The following DAAM1 variants were observed in gnomAD, a reference collection of about 807,000 sequenced individuals.
DAAM1 encodes the protein disheveled-associated activator of morphogenesis 1.
DAAM1 carries 52 observed loss-of-function variants against 130.0 expected under a neutral mutation model. The ratio of observed to expected loss-of-function variants is 0.40; its 90% confidence interval spans 0.32 to 0.50. DAAM1 has a LOEUF of 0.50. Among genes scored for constraint, DAAM1 ranks in the 20% least tolerant of loss-of-function variants. The pLI, the probability that DAAM1 is intolerant of heterozygous loss-of-function variation, is 0.61. For missense variants in DAAM1, 1,134 were observed against 1,303.8 expected (o/e 0.87, Z 2.01); for synonymous variants, 452 against 444.5 (o/e 1.02, Z -0.21).
intron 1 of DAAM1, among the ~76,000 whole-genome samples, chr14:59,206,436 C>T (rs868481494): frequency 5.3e-5 from 8 of 152,152 alleles, no homozygotes; most frequent in South Asian, 2.1e-4. Context: ...CCACCATGCC[C>T]GGCTAATTTT....
intron 3 of DAAM1, among the ~76,000 whole-genome samples, chr14:59,314,640 A>G (rs1430918192): frequency 6.6e-6 from 1 of 152,166 alleles, no homozygotes; most frequent in Non-Finnish European, 1.5e-5. Flanking sequence ...TTTGGGTTTC[A>G]GTTCTTTTCC....
intron 2 of DAAM1, among the ~76,000 whole-genome samples, chr14:59,267,898 C>G (rs1389805173): frequency 1.0e-5 from 1 of 100,480 alleles, no homozygotes; most frequent in Non-Finnish European, 1.9e-5. Context: ...ATATACGCCC[C>G]CCCCTTTTTT....
At chr14:59,248,051 T>C (rs923610928) in intron 1 of DAAM1, among the ~76,000 whole-genome samples, 1 of 152,232 alleles carries the variant, frequency 6.6e-6, no homozygotes, top group African/African-American at 2.4e-5. Flanking sequence ...GAAGTCTAAA[T>C]ATTAACTTCT....
chr14:59,358,270 A>G, intron 20 of DAAM1, among the ~76,000 whole-genome samples: 1 of 152,198 alleles, frequency 6.6e-6, no homozygotes, highest in East Asian at 1.9e-4. Flanking sequence ...TCAGACCAAC[A>G]CAGTGTTGCC....
At chr14:59,348,207 G>T (rs892473906) in intron 17 of DAAM1, among the ~76,000 whole-genome samples, 2 of 152,152 alleles carry the variant, frequency 1.3e-5, no homozygotes, top group Non-Finnish European at 2.9e-5. Context: ...AATGCCAGGG[G>T]TAGCAAGAAT....
intron 1 of DAAM1, among the ~76,000 whole-genome samples, chr14:59,201,160 CAAAAA>C (rs71111617): frequency 2.4e-3 from 165 of 68,850 alleles, no homozygotes; most frequent in Non-Finnish European, 3.3e-3. Flanking sequence ...GACTCCGTCT[CAAAAA>C]AAAAAAAAAA....
intron 17 of DAAM1, among the ~76,000 whole-genome samples, chr14:59,351,468 C>T (rs936500913): frequency 2.2e-4 from 34 of 152,138 alleles, no homozygotes; most frequent in African/African-American, 6.8e-4. Context: ...CCCTGCCCTG[C>T]CCTCTCCCAC....
chr14:59,239,498 A>T (rs1889411204), intron 1 of DAAM1, among the ~76,000 whole-genome samples: 1 of 152,160 alleles, frequency 6.6e-6, no homozygotes, highest in Non-Finnish European at 1.5e-5. Context: ...CAGGTTCTCC[A>T]TCGGTTTCTT....
At chr14:59,285,675 G>A (rs1883417099) in intron 2 of DAAM1, among the ~76,000 whole-genome samples, 2 of 152,100 alleles carry the variant, frequency 1.3e-5, no homozygotes, top group African/African-American at 4.8e-5. Flanking sequence ...AAAGGACAAA[G>A]AAAGGCATTG....
At chr14:59,292,289 A>G (rs1472764236) in intron 3 of DAAM1, among the ~76,000 whole-genome samples, 1 of 152,142 alleles carries the variant, frequency 6.6e-6, no homozygotes, top group Non-Finnish European at 1.5e-5. Flanking sequence ...CAATAATCCA[A>G]TATTTTTTCA....
chr14:59,247,108 C>T (rs1403165227), intron 1 of DAAM1, among the ~76,000 whole-genome samples: 5 of 152,050 alleles, frequency 3.3e-5, no homozygotes, highest in Non-Finnish European at 7.4e-5. Flanking sequence ...CTTTTGCATG[C>T]AGATATTCAG....
chr14:59,264,675 G>T (rs1205446494), intron 2 of DAAM1: 1 of 150,908 alleles, frequency 6.6e-6, no homozygotes, highest in East Asian at 2.0e-4. Flanking sequence ...TTTAAGTTCT[G>T]GGGTACATAT....
intron 1 of DAAM1, among the ~76,000 whole-genome samples, chr14:59,225,825 C>T (rs1040603507): frequency 7.2e-5 from 11 of 151,966 alleles, no homozygotes; most frequent in Admixed American, 1.3e-4. Flanking sequence ...TTGCGAAGAT[C>T]GAAGGAGAAA....
chr14:59,369,041 G>GTTC lies in DAAM1; in HGVS notation c.*182_*183insTTC. The GTTC allele has an allele frequency of 6.8e-6, 4 of 587,356 alleles. No homozygotes were observed. The South Asian group carries it at 8.9e-5, about 13-fold the overall frequency. The allele number at this position is 587,356 out of a possible 1,614,324, so 36.4% of individuals were successfully genotyped here. ...TATTAAAAAATGTATATAGATGTCT[G>GTTC]AGTGTTGTCTGGAGACCTATACGTA... On this transcript the variant is annotated 3_prime_UTR_variant, in exon 25 of 25. Transcript: ENST00000360909.
At chr14:59,316,507 A>G (rs1030236574) in intron 4 of DAAM1, among the ~76,000 whole-genome samples, 11 of 152,218 alleles carry the variant, frequency 7.2e-5, no homozygotes, top group East Asian at 1.9e-4. Context: ...AAGAAACTAC[A>G]TAAGTTTTTC....
chr14:59,336,269 T>A (rs1360014415), intron 15 of DAAM1, among the ~76,000 whole-genome samples: 1 of 152,206 alleles, frequency 6.6e-6, no homozygotes, highest in Non-Finnish European at 1.5e-5. Flanking sequence ...TCAGCACTGC[T>A]TCCTGAAAAT....
In DAAM1 at chr14:59,355,274, A is replaced by C; in HGVS notation, c.2466A>C (p.Ala822=). 1 of 1,614,146 alleles carries C rather than the reference A, an allele frequency of 6.2e-7. No homozygotes were observed. Among genetic ancestry groups the C allele is most frequent in the Non-Finnish European group, 8.5e-7 (1 of 1,180,022 alleles). The part of the protein sequence containing the change: ...NYMNKGQRGN[A]YGFKISSLNK... ...TGAATAAAGGTCAAAGAGGGAATGC[A>C]TATGGATTCAAGATATCTAGCCTAA... The change falls in exon 20 of 25, where the codon GCA becomes GCC. Residue 822 remains alanine, a synonymous_variant. Transcript: ENST00000360909.
intron 15 of DAAM1, 53 bp downstream of exon 15, chr14:59,331,973 G>GA: frequency 2.7e-6 from 4 of 1,459,830 alleles, no homozygotes; most frequent in South Asian, 1.2e-5. Flanking sequence ...CATGTCTTAT[G>GA]CATGATCTCT....
chr14:59,331,278 G>C lies in DAAM1; in HGVS notation c.1630G>C (p.Val544Leu). The C allele has an allele frequency of 1.2e-6, 2 of 1,612,738 alleles. No individual in the cohort carries two copies. The highest frequency in any genetic ancestry group is 1.7e-6 in the Non-Finnish European group (2 of 1,179,972). ...ACCAGGAGGGCCCTTTCCTTCCTCTGTGCCTGGATCTCTCCTTCCTCCCCC... is the reference window on the plus strand; with the variant it reads ...ACCAGGAGGGCCCTTTCCTTCCTCTCTGCCTGGATCTCTCCTTCCTCCCCC... ...GAPGGPFPSS[V>L]PGSLLPPPPP... Residue 544 changes from valine (V) to leucine (L), a missense_variant, in exon 14 of 25, where the codon GTG (valine) becomes CTG (leucine). Around this residue, in one of 3 missense-constraint regions of DAAM1, gnomAD observed 644 missense variants for 695.9 expected, o/e 0.93. Coordinates refer to ENST00000360909, the MANE Select transcript of DAAM1 (RefSeq NM_001270520.2).
Sources: allele counts gnomAD v4.1 joint callset (sites outside exome capture counted in the v4.1 genomes callset), GRCh38; gene constraint gnomAD v4.1.1; regional missense constraint gnomAD v4.1.1; transcripts MANE v1.5; gene names NCBI Gene and HGNC (gene_info 2026-07-23, HGNC 2026-07-21).